Variants in ANK3 observed in about 807,000 individuals in gnomAD.
ANK3 encodes ankyrin-3.
ANK3 carries 57 observed loss-of-function variants against 370.9 expected under a neutral mutation model. That is an observed-to-expected ratio of 0.15 (90% CI 0.12 to 0.19). The LOEUF is 0.19. Ranked by LOEUF, ANK3 falls within the 10% of genes least tolerant of loss-of-function variation. The probability of loss-of-function intolerance (pLI) is 1.00; values close to 1 mark genes in which losing one functional copy is unlikely to be tolerated. For synonymous variants in ANK3, 1,929 were observed against 1,946.3 expected (o/e 0.99, Z 0.23); for missense variants, 4,439 against 5,302.1 (o/e 0.84, Z 5.06).
upstream of ANK3, among the ~76,000 whole-genome samples, chr10:60,394,628 AGAG>A (rs1313108946): frequency 3.3e-5 from 5 of 152,308 alleles, no homozygotes; most frequent in East Asian, 9.7e-4. Context: ...TGGCCTGCAG[AGAG>A]GAGGAGATCC....
At chr10:60,269,896 A>G (rs1056732174) in intron 5 of ANK3, among the ~76,000 whole-genome samples, 5 of 152,224 alleles carry the variant, frequency 3.3e-5, no homozygotes, top group Admixed American at 3.3e-4. Flanking sequence ...TATTAAAATA[A>G]TAGCATAATT....
At chr10:60,450,844 T>C (rs1227483842) in intron 2 of ANK3, among the ~76,000 whole-genome samples, 1 of 152,238 alleles carries the variant, frequency 6.6e-6, no homozygotes, top group Non-Finnish European at 1.5e-5. Flanking sequence ...TTCTCACTTT[T>C]TCCTAATACA....
intron 1 of ANK3, among the ~76,000 whole-genome samples, chr10:60,681,581 C>A (rs770330743): frequency 3.3e-5 from 5 of 152,198 alleles, no homozygotes; most frequent in Non-Finnish European, 7.3e-5. Flanking sequence ...CCCCACCAGT[C>A]TCAGGTGCCC....
intron 2 of ANK3, among the ~76,000 whole-genome samples, chr10:60,517,586 A>G (rs10821786): frequency 0.23 from 35,457 of 152,018 alleles, 4,546 homozygotes; most frequent in East Asian, 0.47. Flanking sequence ...AGCTATAACT[A>G]CAAGCCTGGC....
intron 1 of ANK3, among the ~76,000 whole-genome samples, chr10:60,310,035 C>T (rs1335539277): frequency 6.7e-6 from 1 of 149,918 alleles, no homozygotes; most frequent in Non-Finnish European, 1.5e-5. Flanking sequence ...AAGTAATCTT[C>T]CTGCTTCAGC....
intron 13 of ANK3, among the ~76,000 whole-genome samples, chr10:60,199,045 G>T (rs574981435): frequency 6.6e-6 from 1 of 152,254 alleles, no homozygotes; most frequent in Non-Finnish European, 1.5e-5. Flanking sequence ...GTCAGCAGGG[G>T]CTGATGCCCT....
intron 5 of ANK3, among the ~76,000 whole-genome samples, chr10:60,264,660 C>G (rs963935154): frequency 2.0e-5 from 3 of 149,598 alleles, no homozygotes; most frequent in Non-Finnish European, 4.5e-5. Flanking sequence ...AAAAAAAAAT[C>G]TCAGGCTAAA....
chr10:60,691,068 T>G (rs968183725), intron 1 of ANK3, among the ~76,000 whole-genome samples: 1 of 152,186 alleles, frequency 6.6e-6, no homozygotes, highest in African/African-American at 2.4e-5. Context: ...TGTGTTTAAT[T>G]CTTTTTAGTG....
chr10:60,371,894 G>C lies in ANK3; in HGVS notation c.114+17531C>G, dbSNP rs536730158. Among the ~76,000 whole-genome samples the C allele has an allele frequency of 2.6e-5, 4 of 152,242 alleles. No homozygotes were observed. The South Asian group carries it at 8.3e-4, about 32-fold the overall frequency. On this transcript the variant is annotated intron_variant, in intron 1 of 43. Transcript: ENST00000280772. ...AAGCAGAAACATAAATAGAAGGGTG[G>C]AAGCCAAGTGGAAGTAGAAAAAAGA...
chr10:60,427,465 G>C (rs1046937316), intron 2 of ANK3, among the ~76,000 whole-genome samples: 1 of 151,806 alleles, frequency 6.6e-6, no homozygotes, highest in Admixed American at 6.6e-5. Flanking sequence ...ACCAGAAAGT[G>C]GTTCTTTTAA....
chr10:60,412,764 CA>C (rs1272301970), intron 2 of ANK3, among the ~76,000 whole-genome samples: 2 of 151,490 alleles, frequency 1.3e-5, no homozygotes, highest in African/African-American at 2.5e-5. Flanking sequence ...AGAGAATGTG[CA>C]ACAAACATTT....
At chr10:60,232,156 T>C (rs1390400591) in intron 8 of ANK3, among the ~76,000 whole-genome samples, 1 of 152,190 alleles carries the variant, frequency 6.6e-6, no homozygotes, top group African/African-American at 2.4e-5. Flanking sequence ...AAATAGGACA[T>C]GTAAGTGTTT....
At chr10:60,393,433 G>A (rs779992724), upstream of ANK3, among the ~76,000 whole-genome samples, 6 of 151,998 alleles carry the variant, frequency 3.9e-5, no homozygotes, top group Non-Finnish European at 7.4e-5. Flanking sequence ...AGTGCTTCCC[G>A]CCTGGGCATT....
intron 23 of ANK3, among the ~76,000 whole-genome samples, chr10:60,160,752 C>G (rs1276985924): frequency 2.0e-5 from 3 of 152,112 alleles, no homozygotes; most frequent in African/African-American, 7.2e-5. Flanking sequence ...TCAACATATG[C>G]AAATGAATCA....
At chr10:60,494,865 A>G (rs952113651) in intron 2 of ANK3, among the ~76,000 whole-genome samples, 1 of 152,236 alleles carries the variant, frequency 6.6e-6, no homozygotes, top group Non-Finnish European at 1.5e-5. Context: ...TAGATACAGC[A>G]TAATGCAAAT....
intron 1 of ANK3, among the ~76,000 whole-genome samples, chr10:60,638,479 A>C (rs1564464096): frequency 6.6e-6 from 1 of 152,172 alleles, no homozygotes; most frequent in Non-Finnish European, 1.5e-5. Flanking sequence ...AGCATTCAAC[A>C]ATATAAAAAT....
At position 60,172,313 on chromosome 10, in the gene ANK3, T is replaced by A; in HGVS notation, c.2473A>T (p.Thr825Ser). 1 of 1,613,280 alleles carries A rather than the reference T, an allele frequency of 6.2e-7. No individual in the cohort carries two copies. Among genetic ancestry groups the A allele is most frequent in the Non-Finnish European group, 8.5e-7 (1 of 1,179,372 alleles). Residue 825 changes from threonine (T) to serine (S), a missense_variant, in exon 21 of 44, where the codon ACA becomes TCA. Thr to Ser is a moderately conservative substitution (Grantham distance 58). Transcript: ENST00000280772. ...GTTCTGCATTCCTTACTTACAGTTG[T>A]GGTCATGGTCTCTTCGGTCACTATC... is the stretch of plus-strand genomic sequence containing the variant. ...LKIVTEETMT[T>S]TTVTEKHKMN...
chr10:60,388,422 T>C (rs2062718089), intron 1 of ANK3, among the ~76,000 whole-genome samples: 1 of 152,198 alleles, frequency 6.6e-6, no homozygotes, highest in African/African-American at 2.4e-5. Flanking sequence ...GCACATGCCT[T>C]ACTGCTCAAA....
intron 1 of ANK3, among the ~76,000 whole-genome samples, chr10:60,388,878 C>T (rs1033863244): frequency 1.3e-5 from 2 of 151,970 alleles, no homozygotes; most frequent in African/African-American, 2.4e-5. Context: ...ACAAAAAGCA[C>T]CTTATAAAAA....
Sources: gnomAD v4.1 joint callset for allele counts (sites outside exome capture counted in the v4.1 genomes callset) on GRCh38, gnomAD v4.1.1 for gene constraint, MANE v1.5 for transcripts, NCBI Gene and HGNC (gene_info 2026-07-23, HGNC 2026-07-21) for gene names.